The following TEX2 variants were observed in gnomAD, a reference collection of about 807,000 sequenced individuals.
TEX2 encodes the protein testis-expressed protein 2.
In TEX2, 53 loss-of-function variants were observed where a neutral mutation model predicts 106.9. The observed-to-expected ratio is 0.50, with a 90% CI of 0.40 to 0.62. TEX2 has a LOEUF of 0.62. TEX2 is among the 20% of genes least tolerant of loss of function. The probability of loss-of-function intolerance (pLI) is 0.00; values close to 1 mark genes in which losing one functional copy is unlikely to be tolerated. For synonymous variants in TEX2, 523 were observed against 534.8 expected, an observed-to-expected ratio of 0.98 and a Z score of 0.30; for missense variants, 1,207 against 1,379.0, an observed-to-expected ratio of 0.88 and a Z score of 1.98.
At chr17:64,199,883 C>A (rs915351376) in intron 2 of TEX2, among the ~76,000 whole-genome samples, 1 of 152,190 alleles carries the variant, frequency 6.6e-6, no homozygotes, top group Non-Finnish European at 1.5e-5. Flanking sequence ...ATAGAATGGG[C>A]AAAGCCTTCC....
At chr17:64,231,419 G>A (rs1364675531) in intron 1 of TEX2, among the ~76,000 whole-genome samples, 2 of 152,170 alleles carry the variant, frequency 1.3e-5, no homozygotes, top group African/African-American at 4.8e-5. Context: ...AAACTCTGAG[G>A]CTGACTAAAG....
At chr17:64,250,126 A>G (rs544553629) in intron 1 of TEX2, among the ~76,000 whole-genome samples, 1 of 152,226 alleles carries the variant, frequency 6.6e-6, no homozygotes, top group South Asian at 2.1e-4. Flanking sequence ...TCTGCTCCTA[A>G]CTGTAGGTGA....
At chr17:64,256,804 T>C (rs890991819) in intron 1 of TEX2, among the ~76,000 whole-genome samples, 1 of 152,174 alleles carries the variant, frequency 6.6e-6, no homozygotes, top group African/African-American at 2.4e-5. Context: ...GTTCAGTCAA[T>C]CCTTTCAGTA....
intron 4 of TEX2, among the ~76,000 whole-genome samples, chr17:64,188,708 C>T (rs1047012842): frequency 1.2e-4 from 18 of 150,658 alleles, no homozygotes; most frequent in East Asian, 3.9e-4. Flanking sequence ...CTCAGCTACT[C>T]GGGAGGCTGA....
chr17:64,184,671 G>T (rs970721581), intron 5 of TEX2, among the ~76,000 whole-genome samples: 2 of 152,028 alleles, frequency 1.3e-5, no homozygotes, highest in African/African-American at 4.8e-5. Context: ...AAGGTTTATC[G>T]AACCCAAAGT....
intron 8 of TEX2, chr17:64,155,701 G>C (rs1037946565): frequency 6.6e-6 from 1 of 152,104 alleles, no homozygotes; most frequent in Non-Finnish European, 1.5e-5. Context: ...AAAGCCTCAT[G>C]GGACAGCAGT....
intron 6 of TEX2, among the ~76,000 whole-genome samples, chr17:64,172,866 A>G (rs1032013493): frequency 6.6e-6 from 1 of 152,246 alleles, no homozygotes; most frequent in Non-Finnish European, 1.5e-5. Flanking sequence ...TCTACAGGAA[A>G]TAACATAAGA....
Position 64,148,825 on chromosome 17 carries a change from G to A in TEX2, c.*144C>T. On this transcript the variant is annotated 3_prime_UTR_variant, in exon 12 of 12. Coordinates refer to ENST00000584379, the MANE Select transcript of TEX2 (RefSeq NM_001288732.2). Reference sequence around the variant, plus strand: ...AGGGAATGACACCTCACAGTGGAATGGGCACTGGCAGGCAGAGGGCAGAAG... The same window carrying A: ...AGGGAATGACACCTCACAGTGGAATAGGCACTGGCAGGCAGAGGGCAGAAG... The A allele has an allele frequency of 2.1e-6, 2 of 959,366 alleles. No individual in the cohort carries two copies. The highest frequency in any genetic ancestry group is 1.7e-5 in the South Asian group (1 of 58,726). 59.4% of individuals were successfully genotyped at this position (959,366 alleles called of 1,614,324 possible).
intron 2 of TEX2, among the ~76,000 whole-genome samples, chr17:64,200,472 C>T (rs1360346629): frequency 1.3e-5 from 2 of 152,228 alleles, no homozygotes; most frequent in Non-Finnish European, 2.9e-5. Flanking sequence ...AGCTGAAGAA[C>T]AGCCACTGTG....
At chr17:64,157,496 C>A (rs1319768617) in intron 8 of TEX2, among the ~76,000 whole-genome samples, 2 of 152,222 alleles carry the variant, frequency 1.3e-5, no homozygotes, top group Non-Finnish European at 2.9e-5. Flanking sequence ...CAAAGCAGGA[C>A]AATTTGCTGT....
intron 1 of TEX2, among the ~76,000 whole-genome samples, chr17:64,236,211 C>T (rs1555635110): frequency 6.6e-6 from 1 of 151,912 alleles, no homozygotes; most frequent in Non-Finnish European, 1.5e-5. Context: ...AAACAATACA[C>T]AATATAACAG....
At chr17:64,226,317 A>G (rs2033504046) in intron 1 of TEX2, among the ~76,000 whole-genome samples, 1 of 152,164 alleles carries the variant, frequency 6.6e-6, no homozygotes, top group South Asian at 2.1e-4. Flanking sequence ...CTTCATTTTG[A>G]AATAATGACA....
intron 1 of TEX2, among the ~76,000 whole-genome samples, chr17:64,222,227 A>G (rs2033376397): frequency 6.6e-6 from 1 of 152,176 alleles, no homozygotes; most frequent in South Asian, 2.1e-4. Context: ...TACATTTTAA[A>G]AAGCAAAAAT....
chr17:64,200,319 T>C (rs1358405309), intron 2 of TEX2, among the ~76,000 whole-genome samples: 1 of 152,174 alleles, frequency 6.6e-6, no homozygotes, highest in African/African-American at 2.4e-5. Context: ...TCTGCCCCAG[T>C]CTAACCAACT....
Position 64,147,789 on chromosome 17 carries a change from AAAC to A in TEX2, c.*1177_*1179del, listed in dbSNP as rs1260420082. On this transcript the variant is annotated 3_prime_UTR_variant, in exon 12 of 12. Coordinates refer to ENST00000584379, the MANE Select transcript of TEX2 (RefSeq NM_001288732.2). ...ATGTTCAGGCAAGGTGCTGTTTAAAAAACCACTATTAGCTTTGTCCACACATGT... is the reference window on the plus strand; with the variant it reads ...ATGTTCAGGCAAGGTGCTGTTTAAAACACTATTAGCTTTGTCCACACATGT... 6.5e-5 allele frequency: 10 copies of A among 152,788 alleles called. No individual in the cohort carries two copies. The highest frequency in any genetic ancestry group is 2.4e-4 in the African/African-American group (10 of 41,590). 9.5% of individuals were successfully genotyped at this position (152,788 alleles called of 1,614,324 possible).
chr17:64,171,415 A>G (rs2031392122), intron 6 of TEX2, among the ~76,000 whole-genome samples: 2 of 152,146 alleles, frequency 1.3e-5, no homozygotes, highest in African/African-American at 2.4e-5. Context: ...CACGGGGTTT[A>G]TAATAGAAAG....
chr17:64,204,731 C>T (rs1041991392), intron 2 of TEX2, among the ~76,000 whole-genome samples: 2 of 152,274 alleles, frequency 1.3e-5, no homozygotes, highest in Middle Eastern at 3.4e-3. Flanking sequence ...CTCTTCTTAA[C>T]GGCTAATTAT....
intron 1 of TEX2, among the ~76,000 whole-genome samples, chr17:64,221,609 C>T (rs943033279): frequency 1.6e-4 from 25 of 152,130 alleles, no homozygotes; most frequent in Admixed American, 6.5e-4. Context: ...TGTAAAATGG[C>T]GCAACTGGTA....
chr17:64,190,452 C>G (rs1010939), intron 4 of TEX2, among the ~76,000 whole-genome samples: 19,490 of 152,068 alleles, frequency 0.13, 1,580 homozygotes, highest in African/African-American at 0.23. Flanking sequence ...CCAAACTGAT[C>G]CCATTGTGAC....
Sources: gnomAD v4.1 joint callset for allele counts (sites outside exome capture counted in the v4.1 genomes callset) on GRCh38, gnomAD v4.1.1 for gene constraint, MANE v1.5 for transcripts, NCBI Gene and HGNC (gene_info 2026-07-23, HGNC 2026-07-21) for gene names.